SELENON: variants seen among roughly 807,000 people sequenced by gnomAD.
The protein encoded by SELENON is selenoprotein N, 1.
In SELENON, 44 loss-of-function variants were observed where a neutral mutation model predicts 59.5. The observed-to-expected ratio is 0.74, with a 90% CI of 0.58 to 0.95. The LOEUF (loss-of-function observed/expected upper bound fraction) is 0.95. SELENON is among the 40% of genes least tolerant of loss of function. The pLI is 0.00. For missense variants in SELENON, 674 were observed against 721.4 expected (o/e 0.93, Z 0.75); for synonymous variants, 320 against 305.6 (o/e 1.05, Z -0.49).
rs899393394 is a variant in SELENON at position 25,810,810 on chromosome 1, C to A, written c.1011-644C>A. On this transcript the variant is annotated intron_variant, in intron 7 of 12. Coordinates refer to ENST00000361547, the MANE Select transcript of SELENON (RefSeq NM_020451.3). ...CCATCTGCTCACCTAGGGCTGGGCA[C>A]ACCTGCCTCCATCGCAGGGTTGTTG... 2.6e-5 allele frequency among the ~76,000 whole-genome samples: 4 copies of A among 152,196 alleles called. No individual in the cohort carries two copies. In the South Asian group the frequency reaches 8.3e-4, roughly 32 times the overall value.
rs1041853089 is a variant in SELENON, at chr1:25,816,090, C to T, written c.*372C>T. 1.0e-4 allele frequency: 19 copies of T among 183,936 alleles called. No homozygotes were observed. Among genetic ancestry groups the T allele is most frequent in the Non-Finnish European group, 1.5e-4 (13 of 87,874 alleles). 11.4% of individuals were successfully genotyped at this position (183,936 alleles called of 1,614,324 possible). On this transcript the variant is annotated 3_prime_UTR_variant, in exon 13 of 13. Coordinates refer to ENST00000361547, the MANE Select transcript of SELENON (RefSeq NM_020451.3). Reference sequence around the variant, plus strand: ...TGGAGGGAGGAGCAGGCTAGGAAGACGGGGCCACCACCCTCTCCTTGCTTT... The same window carrying T: ...TGGAGGGAGGAGCAGGCTAGGAAGATGGGGCCACCACCCTCTCCTTGCTTT...
intron 9 of SELENON, 33 bp downstream of exon 8, chr1:25,811,912 G>T: frequency 6.5e-7 from 1 of 1,546,354 alleles, no homozygotes; most frequent in Non-Finnish European, 8.7e-7. Flanking sequence ...GCCAGGGTCA[G>T]GCTGCATGGG....
At chr1:25,805,359 C>T in intron 4 of SELENON, 84 bp downstream of exon 3, 4 of 1,587,372 alleles carry the variant, frequency 2.5e-6, no homozygotes, top group East Asian at 2.2e-5. Context: ...CTTTCCTCTG[C>T]CCTCTGTGTG....
intron 4 of SELENON, among the ~76,000 whole-genome samples, chr1:25,805,979 C>G (rs1273466010): frequency 6.6e-6 from 1 of 152,256 alleles, no homozygotes; most frequent in Non-Finnish European, 1.5e-5. Context: ...TCCAACCACA[C>G]CAGACTTCCT....
intron 4 of SELENON, among the ~76,000 whole-genome samples, chr1:25,805,974 C>T (rs1279694469): frequency 6.6e-6 from 1 of 152,260 alleles, no homozygotes; most frequent in East Asian, 1.9e-4. Context: ...TCTGTTCCAA[C>T]CACACCAGAC....
intron 10 of SELENON, 153 bp from the exon 10 acceptor site, chr1:25,813,728 T>G (rs2047986262): frequency 1.4e-6 from 1 of 694,906 alleles, no homozygotes; most frequent in Non-Finnish European, 2.7e-6. Flanking sequence ...ATTCCAACTA[T>G]CATTTATTCA....
chr1:25,811,421 G>C (rs752967741), intron 7 of SELENON, 33 bp from the exon 7 acceptor site: 3 of 1,566,396 alleles, frequency 1.9e-6, no homozygotes, highest in Non-Finnish European at 2.6e-6. Context: ...AATGGGCTTT[G>C]ATGATGGTGT....
chr1:25,805,081 T>C, intron 3 of SELENON, 61 bp from the exon 3 acceptor site: 3 of 1,607,792 alleles, frequency 1.9e-6, no homozygotes, highest in Non-Finnish European at 2.5e-6. Flanking sequence ...GTGTGGATGA[T>C]GAGGGAGAGG....
chr1:25,809,051 T>C lies in SELENON; in HGVS notation c.773T>C (p.Met258Thr), dbSNP rs1268625755. The C allele has an allele frequency of 2.5e-6, 4 of 1,613,684 alleles. No homozygotes were observed. Among genetic ancestry groups the C allele is most frequent in the Admixed American group, 3.3e-5 (2 of 60,014 alleles). The change falls in exon 6 of 13, where the codon ATG becomes ACG. Residue 258 changes from methionine (M) to threonine (T), a missense_variant. Coordinates refer to ENST00000361547, the MANE Select transcript of SELENON (RefSeq NM_020451.3). ...GTCATCATCCACCGGCTCCTGAGCA[T>C]GTTCCACCCTCGGCCCTTTGTGAAG...
chr1:25,814,962 TC>T (rs1245057412), intron 12 of SELENON, among the ~76,000 whole-genome samples: 5 of 152,082 alleles, frequency 3.3e-5, no homozygotes, highest in Admixed American at 2.0e-4. Context: ...GCATCTGCTG[TC>T]CCAGGCGCAA....
At position 25,811,786 on chromosome 1, in the gene SELENON, G is replaced by C; in HGVS notation, c.1188G>C (p.Leu396=). ...GCCACCTGCCTTCAGGGGAGCCCCT[G>C]CAGTTTGTGTTTGAGGAGATCAAGT... Residue 396 remains leucine (L), a synonymous_variant, in exon 9 of 13, where the codon CTG becomes CTC. Transcript: ENST00000361547. The C allele has an allele frequency of 6.3e-7, 1 of 1,590,764 alleles. No homozygotes were observed. The highest frequency in any genetic ancestry group is 1.1e-5 in the South Asian group (1 of 87,850).
intron 7 of SELENON, 83 bp downstream of exon 6, chr1:25,809,903 C>A: frequency 1.3e-6 from 2 of 1,536,672 alleles, no homozygotes; most frequent in East Asian, 2.2e-5. Flanking sequence ...GGGGCCTCTT[C>A]TGTCTCTGCC....
At chr1:25,800,552 A>G in intron 1 of SELENON, 139 bp downstream of exon 1, 2 of 310,208 alleles carry the variant, frequency 6.4e-6, no homozygotes, top group Non-Finnish European at 1.0e-5. Context: ...GGAGCACGGG[A>G]AGGAGGGGAC....
rs1211040753 is a variant in SELENON, at chr1:25,817,101, GGAA to G, written c.*1388_*1390del. The G allele has an allele frequency of 6.6e-6, 1 of 151,184 alleles. No homozygotes were observed. The allele number at this position is 151,184 out of a possible 1,614,324, so 9.4% of individuals were successfully genotyped here. A position where few individuals can be genotyped will look rare whatever the true frequency, so the allele number is the denominator to read the frequency against. On this transcript the variant is annotated 3_prime_UTR_variant, in exon 13 of 13. Transcript: ENST00000361547. The stretch of plus-strand genomic sequence containing the variant: ...CCCGGGGCTCACTCAGCCTGGCAGA[GGAA>G]GAAGGAAGGCAGACATCTCCGCAGC...
Position 25,800,404 on chromosome 1 carries a change from C to G in SELENON, c.174C>G (p.Ala58=). The G allele has an allele frequency of 9.1e-7, 1 of 1,095,502 alleles. No homozygotes were observed. The highest frequency in any genetic ancestry group is 1.1e-6 in the Non-Finnish European group (1 of 901,240). The allele number at this position is 1,095,502 out of a possible 1,614,324, so 67.9% of individuals were successfully genotyped here. A position where few individuals can be genotyped will look rare whatever the true frequency, so the allele number is the denominator to read the frequency against. ...CCCGCCACGCCGAGGCCCAGGCGGC[C>G]GCGCGGCAGGTCCGGGCCCGAGCTG... The change falls in exon 1 of 13, where the codon GCC becomes GCG. Residue 58 remains alanine (A), a synonymous_variant. Transcript: ENST00000361547.
intron 3 of SELENON, among the ~76,000 whole-genome samples, chr1:25,804,471 TACTC>T (rs2047885912): frequency 6.6e-6 from 1 of 151,310 alleles, no homozygotes; most frequent in Admixed American, 6.6e-5. Context: ...TGGTGACTAT[TACTC>T]ACCCCTTTTG....
intron 4 of SELENON, among the ~76,000 whole-genome samples, chr1:25,808,179 G>T (rs2047924166): frequency 6.6e-6 from 1 of 152,232 alleles, no homozygotes; most frequent in South Asian, 2.1e-4. Flanking sequence ...CAGGGTGGTG[G>T]CACCCAAGGC....
intron 10 of SELENON, 129 bp downstream of exon 9, chr1:25,812,921 G>A (rs2047979117): frequency 1.1e-5 from 8 of 701,166 alleles, no homozygotes; most frequent in South Asian, 3.6e-5. Flanking sequence ...CATGGTAGGG[G>A]CGTGGGGTGA....
At chr1:25,800,602 G>T (rs1430114064) in intron 1 of SELENON, among the ~76,000 whole-genome samples, 189 bp downstream of exon 1, 1 of 151,830 alleles carries the variant, frequency 6.6e-6, no homozygotes, top group African/African-American at 2.4e-5. Flanking sequence ...CGGGCTGATG[G>T]GGGGAAGGCG....
Sources: gnomAD v4.1 joint callset for allele counts (sites outside exome capture counted in the v4.1 genomes callset) on GRCh38, gnomAD v4.1.1 for gene constraint, MANE v1.5 for transcripts, NCBI Gene and HGNC (gene_info 2026-07-23, HGNC 2026-07-21) for gene names.